LEF1: variants seen among roughly 807,000 people sequenced by gnomAD.
LEF1 encodes lymphoid enhancer-binding factor 1.
LEF1 carries 14 observed loss-of-function variants against 51.2 expected under a neutral mutation model. That is an observed-to-expected ratio of 0.27 (90% CI 0.18 to 0.43). LEF1 has a LOEUF of 0.43. LEF1 is among the 20% of genes least tolerant of loss of function. The pLI, the probability that LEF1 is intolerant of heterozygous loss-of-function variation, is 1.00. For synonymous variants in LEF1, 185 were observed against 183.2 expected, an observed-to-expected ratio of 1.01 and a Z score of -0.08; for missense variants, 386 against 512.0, an observed-to-expected ratio of 0.75 and a Z score of 2.37.
chr4:108,154,739 G>C (rs748832311), intron 3 of LEF1, among the ~76,000 whole-genome samples: 4 of 151,952 alleles, frequency 2.6e-5, no homozygotes, highest in Non-Finnish European at 4.4e-5. Flanking sequence ...CCTCGATCCA[G>C]GTCATTTTAA....
chr4:108,076,529 C>T (rs1316585591), intron 8 of LEF1, among the ~76,000 whole-genome samples: 2 of 152,138 alleles, frequency 1.3e-5, no homozygotes, highest in Admixed American at 6.5e-5. Context: ...GCATCCACCA[C>T]CACACACTCA....
At chr4:108,141,404 G>A (rs1203557444) in intron 3 of LEF1, among the ~76,000 whole-genome samples, 2 of 152,090 alleles carry the variant, frequency 1.3e-5, no homozygotes, top group African/African-American at 4.8e-5. Context: ...TCATTCATAT[G>A]TCTATAATTG....
At chr4:108,150,259 G>A (rs1744287395) in intron 3 of LEF1, among the ~76,000 whole-genome samples, 1 of 152,168 alleles carries the variant, frequency 6.6e-6, no homozygotes, top group African/African-American at 2.4e-5. Flanking sequence ...ATGTAATAAG[G>A]AGGCAACATC....
intron 9 of LEF1, among the ~76,000 whole-genome samples, chr4:108,066,774 C>T (rs541554429): frequency 7.2e-5 from 11 of 152,100 alleles, no homozygotes; most frequent in East Asian, 1.9e-4. Flanking sequence ...TAAAATTATA[C>T]GGACTGTATA....
chr4:108,077,354 G>C, intron 8 of LEF1, among the ~76,000 whole-genome samples: 1 of 151,816 alleles, frequency 6.6e-6, no homozygotes, highest in South Asian at 2.1e-4. Flanking sequence ...AGAGAGAAGC[G>C]CCTCTGCCCG....
chr4:108,085,489 A>C (rs1309915990), intron 4 of LEF1, among the ~76,000 whole-genome samples: 1 of 152,242 alleles, frequency 6.6e-6, no homozygotes, highest in Non-Finnish European at 1.5e-5. Context: ...TCACTGGGAC[A>C]TGGAGAGGTA....
chr4:108,065,790 T>C (rs1027915200), intron 9 of LEF1, among the ~76,000 whole-genome samples: 8 of 152,248 alleles, frequency 5.3e-5, no homozygotes, highest in African/African-American at 1.4e-4. Context: ...GTGTTCCATT[T>C]TAGTTATTTG....
At chr4:108,099,699 C>T (rs768196946) in intron 3 of LEF1, among the ~76,000 whole-genome samples, 2 of 147,998 alleles carry the variant, frequency 1.4e-5, no homozygotes, top group East Asian at 2.0e-4. Flanking sequence ...GGTGGTTTGC[C>T]GCACCCATCA....
chr4:108,130,025 A>G (rs1275227147), intron 3 of LEF1, among the ~76,000 whole-genome samples: 1 of 152,208 alleles, frequency 6.6e-6, no homozygotes, highest in African/African-American at 2.4e-5. Flanking sequence ...AAGGTATTCA[A>G]TAGTGATCCC....
chr4:108,153,641 T>C (rs910883166), intron 3 of LEF1, among the ~76,000 whole-genome samples: 3 of 152,212 alleles, frequency 2.0e-5, no homozygotes, highest in Non-Finnish European at 2.9e-5. Flanking sequence ...AAAAGGTGCA[T>C]TGCCTTTGAC....
At chr4:108,166,245 C>G (rs1026862476) in intron 1 of LEF1, 2 of 1,535,300 alleles carry the variant, frequency 1.3e-6, no homozygotes, top group African/African-American at 2.7e-5. Context: ...GAACGCAGGC[C>G]CCCAGCCTTT....
At chr4:108,115,204 G>A (rs773119154) in intron 3 of LEF1, among the ~76,000 whole-genome samples, 3 of 152,196 alleles carry the variant, frequency 2.0e-5, no homozygotes, top group Non-Finnish European at 4.4e-5. Context: ...TATTGGAAAT[G>A]AGCTATCCAA....
chr4:108,131,408 T>C (rs867661103), intron 3 of LEF1, among the ~76,000 whole-genome samples: 3 of 150,994 alleles, frequency 2.0e-5, no homozygotes, highest in Admixed American at 1.3e-4. Context: ...AAAAAAAATG[T>C]TTTAAATAAA....
intron 4 of LEF1, among the ~76,000 whole-genome samples, chr4:108,088,164 T>C (rs1444676212): frequency 6.6e-6 from 1 of 152,202 alleles, no homozygotes. Context: ...CCTAGAAGTG[T>C]TCACCAGTAG....
intron 3 of LEF1, among the ~76,000 whole-genome samples, chr4:108,106,841 G>A (rs1247290249): frequency 2.6e-5 from 4 of 152,176 alleles, no homozygotes; most frequent in African/African-American, 7.2e-5. Context: ...CACCAATGAA[G>A]GGGAGTTTAC....
intron 3 of LEF1, among the ~76,000 whole-genome samples, chr4:108,142,672 T>A (rs1743743452): frequency 6.6e-6 from 1 of 152,344 alleles, no homozygotes; most frequent in South Asian, 2.1e-4. Flanking sequence ...CATATAGTGT[T>A]ACATATGTCC....
At chr4:108,074,841 A>AT (rs1170047336) in intron 8 of LEF1, among the ~76,000 whole-genome samples, 1 of 152,272 alleles carries the variant, frequency 6.6e-6, no homozygotes, top group Non-Finnish European at 1.5e-5. Context: ...GGAAATGTGC[A>AT]TTAAGAATAG....
intron 3 of LEF1, among the ~76,000 whole-genome samples, chr4:108,160,943 A>T (rs926019548): frequency 6.6e-6 from 1 of 152,156 alleles, no homozygotes; most frequent in Non-Finnish European, 1.5e-5. Flanking sequence ...TTTGGGAAGC[A>T]GATGCAGTAA....
intron 5 of LEF1, 105 bp from the exon 6 acceptor site, chr4:108,081,774 T>C (rs533324559): frequency 2.9e-5 from 23 of 793,944 alleles, no homozygotes; most frequent in Admixed American, 1.7e-4. Flanking sequence ...AACAGAATCT[T>C]GTGGAAGTAT....
Sources: allele counts gnomAD v4.1 joint callset (sites outside exome capture counted in the v4.1 genomes callset), GRCh38; gene constraint gnomAD v4.1.1; transcripts MANE v1.5; gene names NCBI Gene and HGNC (gene_info 2026-07-23, HGNC 2026-07-21).